The following NYAP2 variants were observed in gnomAD, a reference collection of about 807,000 sequenced individuals.
NYAP2 encodes neuronal tyrosine-phosphorylated phosphoinositide-3-kinase adapter 2.
In NYAP2, 23 loss-of-function variants were observed where a neutral mutation model predicts 50.4. That is an observed-to-expected ratio of 0.46 (90% CI 0.33 to 0.65). The LOEUF (loss-of-function observed/expected upper bound fraction) is 0.65, where lower values mean the gene tolerates loss of function less well. Among genes scored for constraint, NYAP2 ranks in the 30% least tolerant of loss-of-function variants. The probability of loss-of-function intolerance (pLI) is 0.02; values close to 1 mark genes in which losing one functional copy is unlikely to be tolerated. For missense variants in NYAP2, 885 were observed against 861.0 expected (o/e 1.03, Z -0.35); for synonymous variants, 394 against 365.2 (o/e 1.08, Z -0.90).
intron 3 of NYAP2, among the ~76,000 whole-genome samples, chr2:225,451,305 CT>C (rs1182782837): frequency 6.6e-6 from 1 of 151,990 alleles, no homozygotes; most frequent in Non-Finnish European, 1.5e-5. Context: ...GGCAAAAAGG[CT>C]TTTTTCTAAG....
At chr2:225,530,038 A>T (rs1691226798) in intron 4 of NYAP2, among the ~76,000 whole-genome samples, 1 of 152,176 alleles carries the variant, frequency 6.6e-6, no homozygotes, top group South Asian at 2.1e-4. Flanking sequence ...AGTATACCTG[A>T]CAAAAACATT....
chr2:225,516,521 T>C (rs1231295268), intron 4 of NYAP2, among the ~76,000 whole-genome samples: 2 of 151,992 alleles, frequency 1.3e-5, no homozygotes, highest in Non-Finnish European at 2.9e-5. Flanking sequence ...TGATTCTTCA[T>C]GGGAATTTTA....
chr2:225,550,514 T>C (rs1230960752), intron 4 of NYAP2, among the ~76,000 whole-genome samples: 2 of 152,154 alleles, frequency 1.3e-5, no homozygotes, highest in Non-Finnish European at 1.5e-5. Flanking sequence ...GAAGAGAAAG[T>C]GAACTGTGCG....
intron 4 of NYAP2, among the ~76,000 whole-genome samples, chr2:225,549,398 C>T (rs367755275): frequency 6.6e-6 from 1 of 152,044 alleles, no homozygotes; most frequent in African/African-American, 2.4e-5. Flanking sequence ...AGTAAGTGCT[C>T]AGTTAAATGC....
intron 4 of NYAP2, among the ~76,000 whole-genome samples, chr2:225,530,879 C>A (rs1227625522): frequency 6.6e-6 from 1 of 152,154 alleles, no homozygotes; most frequent in Non-Finnish European, 1.5e-5. Context: ...TCAAGTCCAG[C>A]CAATTCTGCT....
chr2:225,419,180 A>G (rs1309596876), intron 3 of NYAP2, among the ~76,000 whole-genome samples: 1 of 152,240 alleles, frequency 6.6e-6, no homozygotes, highest in African/African-American at 2.4e-5. Context: ...GGCAGAGATG[A>G]CAGTCACAAA....
chr2:225,516,264 G>A (rs1690933542), intron 4 of NYAP2, among the ~76,000 whole-genome samples: 1 of 152,132 alleles, frequency 6.6e-6, no homozygotes, highest in Admixed American at 6.5e-5. Context: ...GCTCCCAATG[G>A]CTACTTGTCA....
At chr2:225,631,960 G>C (rs1038541909) in intron 6 of NYAP2, among the ~76,000 whole-genome samples, 1 of 152,130 alleles carries the variant, frequency 6.6e-6, no homozygotes, top group Non-Finnish European at 1.5e-5. Flanking sequence ...TAGGATTACA[G>C]GTGCCCACCA....
At chr2:225,527,768 C>A (rs573926170) in intron 4 of NYAP2, among the ~76,000 whole-genome samples, 3 of 152,228 alleles carry the variant, frequency 2.0e-5, no homozygotes, top group Admixed American at 1.3e-4. Flanking sequence ...CCACCTCAGC[C>A]TCTCAAGTAG....
intron 3 of NYAP2, among the ~76,000 whole-genome samples, chr2:225,485,677 C>T (rs1690280600): frequency 6.6e-6 from 1 of 152,046 alleles, no homozygotes; most frequent in African/African-American, 2.4e-5. Context: ...AAATTCAGTC[C>T]CCTCTTACTG....
At chr2:225,669,312 T>A in the NYAP2 span, among the ~76,000 whole-genome samples, 1 of 152,180 alleles carries the variant, frequency 6.6e-6, no homozygotes, top group Non-Finnish European at 1.5e-5. Flanking sequence ...TGTATTGTTT[T>A]AAAATGAAAG....
At chr2:225,476,752 T>A (rs1413027977) in intron 3 of NYAP2, among the ~76,000 whole-genome samples, 1 of 152,138 alleles carries the variant, frequency 6.6e-6, no homozygotes, top group Non-Finnish European at 1.5e-5. Context: ...GATACATACA[T>A]CATTATATAG....
intron 5 of NYAP2, among the ~76,000 whole-genome samples, chr2:225,591,173 C>T (rs1311824322): frequency 3.4e-5 from 5 of 148,570 alleles, no homozygotes; most frequent in African/African-American, 1.3e-4. Context: ...TCAGAGGACA[C>T]TCTCTAGTCA....
chr2:225,434,791 T>C (rs1285522418), intron 3 of NYAP2, among the ~76,000 whole-genome samples: 1 of 152,216 alleles, frequency 6.6e-6, no homozygotes, highest in Non-Finnish European at 1.5e-5. Context: ...ACACCACCAT[T>C]TTATATATAC....
At chr2:225,456,816 T>C (rs1044564671) in intron 3 of NYAP2, among the ~76,000 whole-genome samples, 1 of 152,140 alleles carries the variant, frequency 6.6e-6, no homozygotes, top group African/African-American at 2.4e-5. Context: ...CTTCCCTATC[T>C]GAGTGCACCT....
downstream of NYAP2, among the ~76,000 whole-genome samples, chr2:225,656,156 T>C (rs1025440560): frequency 2.6e-5 from 4 of 152,142 alleles, no homozygotes; most frequent in African/African-American, 9.7e-5. Context: ...ACTTGTAATT[T>C]CCTTTGGACA....
At chr2:225,576,259 A>G (rs750519211) in intron 4 of NYAP2, among the ~76,000 whole-genome samples, 24 of 152,202 alleles carry the variant, frequency 1.6e-4, no homozygotes, top group Non-Finnish European at 2.9e-4. Flanking sequence ...CAAAATGTTC[A>G]TCTGAGTTCT....
downstream of NYAP2, among the ~76,000 whole-genome samples, chr2:225,657,911 T>A (rs763231310): frequency 6.6e-6 from 1 of 152,250 alleles, no homozygotes; most frequent in African/African-American, 2.4e-5. Flanking sequence ...TGTGCCACCC[T>A]CACTCTGTGT....
At chr2:225,490,170 G>A (rs1690379758) in intron 3 of NYAP2, among the ~76,000 whole-genome samples, 1 of 152,118 alleles carries the variant, frequency 6.6e-6, no homozygotes, top group African/African-American at 2.4e-5. Context: ...GCTTCAATTT[G>A]TCAGAGCACT....
Sources: allele counts gnomAD v4.1 joint callset (sites outside exome capture counted in the v4.1 genomes callset), GRCh38; gene constraint gnomAD v4.1.1; transcripts MANE v1.5; gene names NCBI Gene and HGNC (gene_info 2026-07-23, HGNC 2026-07-21).